EIF2B2: variants seen among roughly 807,000 people sequenced by gnomAD.
EIF2B2 encodes the protein eukaryotic translation initiation factor 2B subunit beta.
EIF2B2 carries 34 observed loss-of-function variants against 34.7 expected under a neutral mutation model. That is an observed-to-expected ratio of 0.98 (90% CI 0.75 to 1.31). The LOEUF (loss-of-function observed/expected upper bound fraction) is 1.31, where lower values mean the gene tolerates loss of function less well. Ranked by LOEUF, EIF2B2 falls within the 50% of genes most tolerant of loss-of-function variation. The probability of loss-of-function intolerance (pLI) is 0.00; values close to 1 mark genes in which losing one functional copy is unlikely to be tolerated. For synonymous variants in EIF2B2, 155 were observed against 171.6 expected (o/e 0.90, Z 0.76); for missense variants, 361 against 447.7 (o/e 0.81, Z 1.75).
intron 7 of EIF2B2, among the ~76,000 whole-genome samples, chr14:75,008,675 T>C (rs1889661827): frequency 6.6e-6 from 1 of 152,212 alleles, no homozygotes; most frequent in Non-Finnish European, 1.5e-5. Flanking sequence ...TAGTTTTCTA[T>C]GAGCTGGTGC....
chr14:75,007,084 A>G (rs1172875202), intron 6 of EIF2B2: 1 of 472,210 alleles, frequency 2.1e-6, no homozygotes, highest in Non-Finnish European at 4.2e-6. Flanking sequence ...TAACCTGAAT[A>G]CAAGCAAGGA....
rs1353515231 is a variant in EIF2B2, at chr14:75,011,562, A to T, written c.*2374A>T. ...ATTCTTTGATATCTCTTTGAGAGCG[A>T]TCTTTGCCTTAGGTCTTCCAGAGAG... On this transcript the variant is annotated 3_prime_UTR_variant, in exon 8 of 8. Coordinates refer to ENST00000266126, the MANE Select transcript of EIF2B2 (RefSeq NM_014239.4). 1 of 152,210 alleles carries T rather than the reference A, an allele frequency of 6.6e-6. No homozygotes were observed. Among genetic ancestry groups the T allele is most frequent in the Non-Finnish European group, 1.5e-5 (1 of 68,052 alleles). 9.4% of individuals were successfully genotyped at this position (152,210 alleles called of 1,614,324 possible). A position where few individuals can be genotyped will look rare whatever the true frequency, so the allele number is the denominator to read the frequency against.
chr14:75,008,895 T>G, intron 7 of EIF2B2, 136 bp from the exon 8 acceptor site: 1 of 1,050,254 alleles, frequency 9.5e-7, no homozygotes, highest in South Asian at 1.3e-5. Flanking sequence ...TCATCTCTTC[T>G]GGTTTGCATT....
chr14:75,009,341 C>A lies in EIF2B2; in HGVS notation c.*153C>A, dbSNP rs1356711402. 14 of 853,926 alleles carry A rather than the reference C, an allele frequency of 1.6e-5. No homozygotes were observed. 52.9% of individuals were successfully genotyped at this position (853,926 alleles called of 1,614,324 possible). A position where few individuals can be genotyped will look rare whatever the true frequency, so the allele number is the denominator to read the frequency against. ...TGATACTGTTGCCTGCCTTTTTAGTCACCCCGTAACAAGGGCACACATCCA... is the reference window on the plus strand; with the variant it reads ...TGATACTGTTGCCTGCCTTTTTAGTAACCCCGTAACAAGGGCACACATCCA... On this transcript the variant is annotated 3_prime_UTR_variant, in exon 8 of 8. Transcript: ENST00000266126.
chr14:75,005,272 G>T (rs1889610566), intron 4 of EIF2B2, among the ~76,000 whole-genome samples: 1 of 152,060 alleles, frequency 6.6e-6, no homozygotes, highest in South Asian at 2.1e-4. Flanking sequence ...AGCTACTCTG[G>T]AGGGTGAGGC....
chr14:75,005,105 C>T (rs758133804), intron 4 of EIF2B2: 6 of 540,058 alleles, frequency 1.1e-5, no homozygotes, highest in South Asian at 1.8e-5. Flanking sequence ...GGGCCGGGAG[C>T]GATGGCTCAT....
chr14:75,007,624 A>G (rs557458672), intron 6 of EIF2B2, 98 bp from the exon 7 acceptor site: 7 of 1,029,848 alleles, frequency 6.8e-6, no homozygotes, highest in South Asian at 6.7e-5. Context: ...GCATCTGTGT[A>G]TAAGTTTTCT....
chr14:75,005,704 G>A, intron 4 of EIF2B2, 162 bp from the exon 5 acceptor site: 3 of 629,962 alleles, frequency 4.8e-6, no homozygotes, highest in Middle Eastern at 5.6e-4. Flanking sequence ...CCAGAGCTAT[G>A]AGAGTCTGAA....
chr14:75,010,178 C>T lies in EIF2B2; in HGVS notation c.*990C>T. ...ACACAGTCTTGGGTTTCATCTCAGTCCTACTGCATCTGATCTCAGGGTTAC... is the reference window on the plus strand; with the variant it reads ...ACACAGTCTTGGGTTTCATCTCAGTTCTACTGCATCTGATCTCAGGGTTAC... On this transcript the variant is annotated 3_prime_UTR_variant, in exon 8 of 8. Coordinates refer to ENST00000266126, the MANE Select transcript of EIF2B2 (RefSeq NM_014239.4). 6.6e-6 allele frequency: 1 copy of T among 152,138 alleles called. No homozygotes were observed. The highest frequency in any genetic ancestry group is 1.9e-4 in the East Asian group (1 of 5,188). 9.4% of individuals were successfully genotyped at this position (152,138 alleles called of 1,614,324 possible). A position where few individuals can be genotyped will look rare whatever the true frequency, so the allele number is the denominator to read the frequency against.
rs568670330 is a variant in EIF2B2 at position 75,010,965 on chromosome 14, G to C, written c.*1777G>C. ...GCACTTTGGGAGGCTGAGGAGGGCAGATCACTTGAGGTCAGGAGTTTGAGA... is the reference window on the plus strand; with the variant it reads ...GCACTTTGGGAGGCTGAGGAGGGCACATCACTTGAGGTCAGGAGTTTGAGA... On this transcript the variant is annotated 3_prime_UTR_variant, in exon 8 of 8. Coordinates refer to ENST00000266126, the MANE Select transcript of EIF2B2 (RefSeq NM_014239.4). 2.0e-5 allele frequency: 3 copies of C among 152,338 alleles called. No homozygotes were observed. The highest frequency in any genetic ancestry group is 7.2e-5 in the African/African-American group (3 of 41,576). 9.4% of individuals were successfully genotyped at this position (152,338 alleles called of 1,614,324 possible).
Position 75,009,173 on chromosome 14 carries a change from T to TG in EIF2B2, c.1042dup (p.Asp348GlyfsTer16), listed in dbSNP as rs773725419. 6.2e-7 allele frequency: 1 copy of TG among 1,614,058 alleles called. No individual in the cohort carries two copies. Among genetic ancestry groups the TG allele is most frequent in the Non-Finnish European group, 8.5e-7 (1 of 1,179,968 alleles). On this transcript the variant is annotated frameshift_variant, in exon 8 of 8. Coordinates refer to ENST00000266126, the MANE Select transcript of EIF2B2 (RefSeq NM_014239.4). LOFTEE classifies it high-confidence loss of function. Reference sequence around the variant, plus strand: ...TGATGAGTGAACTCTACCATCCTGATGATCATGTTTTATGACCGACCACAC... The same window carrying TG: ...TGATGAGTGAACTCTACCATCCTGATGGATCATGTTTTATGACCGACCACAC...
At chr14:75,003,474 A>G in intron 2 of EIF2B2, 77 bp from the exon 3 acceptor site, 1 of 1,613,956 alleles carries the variant, frequency 6.2e-7, no homozygotes, top group Non-Finnish European at 8.5e-7. Flanking sequence ...CGGAGACTTT[A>G]TTGGAGCTGA....
At position 75,009,429 on chromosome 14, in the gene EIF2B2, C is replaced by G. The variant is rs1046595426; in HGVS notation, c.*241C>G. On this transcript the variant is annotated 3_prime_UTR_variant, in exon 8 of 8. Coordinates refer to ENST00000266126, the MANE Select transcript of EIF2B2 (RefSeq NM_014239.4). ...AGGGCTTAACTTGTTGATTTTGGAG[C>G]CTCTTAGTGACCTGGTTGCGTCTGT... is the stretch of plus-strand genomic sequence containing the variant. The G allele has an allele frequency of 1.1e-5, 6 of 526,274 alleles. No homozygotes were observed. The highest frequency in any genetic ancestry group is 7.7e-5 in the African/African-American group (4 of 52,162). The allele number at this position is 526,274 out of a possible 1,614,324, so 32.6% of individuals were successfully genotyped here.
chr14:75,008,130 A>G (rs1305913094), intron 7 of EIF2B2: 1 of 302,528 alleles, frequency 3.3e-6, no homozygotes, highest in Non-Finnish European at 6.3e-6. Flanking sequence ...TGCTATAAGG[A>G]GTCATTTTGG....
At position 75,006,018 on chromosome 14, in the gene EIF2B2, T is replaced by C. The variant is rs1889621940; in HGVS notation, c.693+57T>C. The C allele has an allele frequency of 2.2e-6, 3 of 1,381,586 alleles. No homozygotes were observed. The highest frequency in any genetic ancestry group is 2.1e-6 in the Non-Finnish European group (2 of 970,352). The allele number at this position is 1,381,586 out of a possible 1,614,324, so 85.6% of individuals were successfully genotyped here. A position where few individuals can be genotyped will look rare whatever the true frequency, so the allele number is the denominator to read the frequency against. On this transcript the variant is annotated intron_variant, in intron 5 of 7. Coordinates refer to ENST00000266126, the MANE Select transcript of EIF2B2 (RefSeq NM_014239.4). The surrounding 1 kb of genome is among the most constrained non-coding windows in gnomAD (Gnocchi z 4.1). ...GAAGATTATGTTTCTAAAATATTGA[T>C]TTTTATCTCCTCCTGTAATATCCAC...
rs763050699 is a variant in EIF2B2 at position 75,007,762 on chromosome 14, C to T, written c.872C>T (p.Pro291Leu). 6.2e-7 allele frequency: 1 copy of T among 1,613,908 alleles called. No individual in the cohort carries two copies. The highest frequency in any genetic ancestry group is 1.1e-5 in the South Asian group (1 of 91,070). ...EEDSFHKFVA[P>L]EEVLPFTEGD... is the part of the protein sequence containing the mutation. ...GACTCATTTCATAAGTTTGTGGCTC[C>T]TGAAGAAGTCCTGCCATTCACAGAA... The change falls in exon 7 of 8, where the codon CCT (proline) becomes CTT (leucine). Residue 291 changes from proline (P) to leucine (L), a missense_variant. Transcript: ENST00000266126.
At chr14:75,005,034 T>A in intron 4 of EIF2B2, 134 bp downstream of exon 4, 1 of 950,052 alleles carries the variant, frequency 1.1e-6, no homozygotes, top group Non-Finnish European at 1.6e-6. Flanking sequence ...AGTAAAACAT[T>A]AAGTGAATTT....
At position 75,009,184 on chromosome 14, in the gene EIF2B2, T is replaced by TA. The variant is rs1566874364; in HGVS notation, c.1053dup (p.Ter352MetfsTer12). The TA allele has an allele frequency of 6.2e-7, 1 of 1,614,078 alleles. No homozygotes were observed. The highest frequency in any genetic ancestry group is 8.5e-7 in the Non-Finnish European group (1 of 1,179,974). On this transcript the variant is annotated frameshift_variant, in exon 8 of 8. Transcript: ENST00000266126. LOFTEE classifies it high-confidence loss of function. ...CTCTACCATCCTGATGATCATGTTT[T>TA]ATGACCGACCACACGTGTCCTAAGC...
rs1889715902 is a variant in EIF2B2, at chr14:75,012,203, CAG to C, written c.*3016_*3017del. On this transcript the variant is annotated 3_prime_UTR_variant, in exon 8 of 8. Transcript: ENST00000266126. ...ACTCACTACCTGTCAGCCTTGGTAT[CAG>C]GGGTGCCCACCTCCCACCCCTGCCT... 6.6e-6 allele frequency: 1 copy of C among 152,178 alleles called. No individual in the cohort carries two copies. The highest frequency in any genetic ancestry group is 1.9e-4 in the East Asian group (1 of 5,174). 9.4% of individuals were successfully genotyped at this position (152,178 alleles called of 1,614,324 possible).
Sources: gnomAD v4.1 joint callset for allele counts (sites outside exome capture counted in the v4.1 genomes callset) on GRCh38, gnomAD v4.1.1 for gene constraint, Gnocchi (gnomAD v3.1) non-coding constraint, MANE v1.5 for transcripts, NCBI Gene and HGNC (gene_info 2026-07-23, HGNC 2026-07-21) for gene names.